PCDH15: variants seen among roughly 807,000 people sequenced by gnomAD.
PCDH15 encodes protocadherin related 15.
In PCDH15, 129 loss-of-function variants were observed where a neutral mutation model predicts 178.5. The ratio of observed to expected loss-of-function variants is 0.72; its 90% CI spans 0.63 to 0.84. The LOEUF is 0.84. Ranked by LOEUF, PCDH15 falls within the 40% of genes least tolerant of loss-of-function variation. The pLI is 0.00. For synonymous variants in PCDH15, 800 were observed against 732.0 expected (o/e 1.09, Z -1.50); for missense variants, 2,230 against 2,099.9 (o/e 1.06, Z -1.21).
intron 8 of PCDH15, among the ~76,000 whole-genome samples, chr10:54,243,942 T>C (rs1218575080): frequency 6.6e-6 from 1 of 152,186 alleles, no homozygotes; most frequent in East Asian, 1.9e-4. Flanking sequence ...TGAAACTGAT[T>C]CACTGCATAT....
intron 2 of PCDH15, among the ~76,000 whole-genome samples, chr10:55,446,631 A>T (rs1839323968): frequency 6.6e-6 from 1 of 152,128 alleles, no homozygotes; most frequent in Non-Finnish European, 1.5e-5. Context: ...CGATGGTCTC[A>T]TCATGGGTGG....
At chr10:55,153,448 T>C (rs930087238) in intron 2 of PCDH15, among the ~76,000 whole-genome samples, 2 of 152,170 alleles carry the variant, frequency 1.3e-5, no homozygotes, top group African/African-American at 4.8e-5. Context: ...TGAAGCAGAA[T>C]GCAATTTTTC....
intron 2 of PCDH15, among the ~76,000 whole-genome samples, chr10:55,524,555 A>G (rs1841260890): frequency 1.3e-5 from 2 of 151,632 alleles, no homozygotes; most frequent in South Asian, 4.1e-4. Flanking sequence ...TACCTTTAAG[A>G]AACCACTAAC....
intron 2 of PCDH15, among the ~76,000 whole-genome samples, chr10:55,139,474 C>T (rs12784404): frequency 0.22 from 33,189 of 151,816 alleles, 4,177 homozygotes; most frequent in Non-Finnish European, 0.27. Context: ...GGTATGAGAC[C>T]TAGTTTGAGG....
chr10:55,424,061 G>T (rs1034772566), intron 2 of PCDH15, among the ~76,000 whole-genome samples: 2 of 152,020 alleles, frequency 1.3e-5, no homozygotes, highest in Non-Finnish European at 2.9e-5. Context: ...ATCTATTTTT[G>T]CATGAGGCTA....
At chr10:54,039,059 T>C (rs56335622) in intron 18 of PCDH15, among the ~76,000 whole-genome samples, 18,051 of 152,024 alleles carry the variant, frequency 0.12, 2,156 homozygotes, top group African/African-American at 0.3. Flanking sequence ...TGATGAACTT[T>C]AGGTTTTTTC....
At chr10:54,718,794 CA>C (rs2095511717) in intron 1 of PCDH15, among the ~76,000 whole-genome samples, 1 of 148,192 alleles carries the variant, frequency 6.7e-6, no homozygotes. Context: ...TGGGTTCAAG[CA>C]ATTCGATTCT....
chr10:54,759,452 T>A (rs1947581328), intron 1 of PCDH15, among the ~76,000 whole-genome samples: 1 of 152,204 alleles, frequency 6.6e-6, no homozygotes, highest in Admixed American at 6.5e-5. Context: ...AAATCCTAAA[T>A]AAATTTCCAT....
intron 13 of PCDH15, among the ~76,000 whole-genome samples, chr10:54,176,536 T>C (rs1470782969): frequency 1.3e-5 from 2 of 152,160 alleles, no homozygotes; most frequent in South Asian, 2.1e-4. Context: ...CAAAACCCTA[T>C]ATATTATTCT....
chr10:55,197,756 T>C (rs1472532339), intron 1 of PCDH15, among the ~76,000 whole-genome samples: 1 of 152,152 alleles, frequency 6.6e-6, no homozygotes, highest in Non-Finnish European at 1.5e-5. Context: ...TGAAATGATA[T>C]ATTTTGCTTT....
intron 15 of PCDH15, among the ~76,000 whole-genome samples, chr10:54,122,006 C>CACAG (rs1554799942): frequency 1.4e-5 from 2 of 147,408 alleles, no homozygotes; most frequent in Non-Finnish European, 3.0e-5. Context: ...GACACATACA[C>CACAG]ACACACACAC....
intron 1 of PCDH15, among the ~76,000 whole-genome samples, chr10:55,262,388 A>G (rs1246950652): frequency 1.3e-5 from 2 of 152,126 alleles, no homozygotes; most frequent in Non-Finnish European, 2.9e-5. Context: ...TGCATTTCCT[A>G]AGACCACCCT....
At chr10:54,225,845 C>G (rs1006911483) in intron 9 of PCDH15, among the ~76,000 whole-genome samples, 2 of 152,168 alleles carry the variant, frequency 1.3e-5, no homozygotes, top group Non-Finnish European at 2.9e-5. Flanking sequence ...GTAAACTTAG[C>G]TAATGCTTTA....
chr10:54,951,897 T>C (rs1838350308), intron 2 of PCDH15, among the ~76,000 whole-genome samples: 1 of 151,870 alleles, frequency 6.6e-6, no homozygotes, highest in Non-Finnish European at 1.5e-5. Context: ...TGTTTTGTTT[T>C]ATTTTATTGT....
chr10:54,675,110 A>G (rs770854520), intron 1 of PCDH15, among the ~76,000 whole-genome samples: 1 of 152,002 alleles, frequency 6.6e-6, no homozygotes, highest in Non-Finnish European at 1.5e-5. Flanking sequence ...TCATTACTAG[A>G]GTACATTTTT....
chr10:54,473,163 G>A (rs565557269), intron 3 of PCDH15, among the ~76,000 whole-genome samples: 1 of 152,184 alleles, frequency 6.6e-6, no homozygotes, highest in East Asian at 1.9e-4. Context: ...GACAACACTA[G>A]CTTAAAGTGA....
rs115454508 is a variant in PCDH15 at position 55,585,624 on chromosome 10, C to T, written c.-156+42001G>A. ...CCAGGAGATGGAGGTTGCATTGAGCCGAGATGGCGCCAATGCACTCCAGCC... is the reference window on the plus strand; with the variant it reads ...CCAGGAGATGGAGGTTGCATTGAGCTGAGATGGCGCCAATGCACTCCAGCC... On this transcript the variant is annotated intron_variant, in intron 2 of 5. Coordinates refer to the PCDH15 transcript ENST00000613346. 5.2e-3 allele frequency among the ~76,000 whole-genome samples: 792 copies of T among 151,948 alleles called. 7 individuals are homozygous for T. Among genetic ancestry groups the T allele is most frequent in the African/African-American group, 0.018 (759 of 41,402 alleles).
intron 2 of PCDH15, chr10:55,599,489 G>T: frequency 6.5e-6 from 1 of 152,704 alleles, no homozygotes; most frequent in South Asian, 2.1e-4. Context: ...CTCAACATCT[G>T]ACTAACTTCA....
chr10:53,818,229 G>C (rs1367101888), intron 33 of PCDH15: 1 of 363,802 alleles, frequency 2.7e-6, no homozygotes, highest in Non-Finnish European at 4.9e-6. Context: ...GATCAACCCA[G>C]AGCCTCGTTC....
Sources: gnomAD v4.1 joint callset for allele counts (sites outside exome capture counted in the v4.1 genomes callset) on GRCh38, gnomAD v4.1.1 for gene constraint, MANE v1.5 for transcripts, NCBI Gene and HGNC (gene_info 2026-07-23, HGNC 2026-07-21) for gene names.